Variants in RNF111 observed in about 807,000 individuals in gnomAD.
RNF111 encodes ring finger protein 111.
Under a neutral mutation model 95.1 loss-of-function variants are expected in RNF111, and 17 were observed. The observed-to-expected ratio is 0.18, with a 90% CI of 0.12 to 0.27. The LOEUF (loss-of-function observed/expected upper bound fraction) is 0.27. RNF111 is among the 10% of genes least tolerant of loss of function. RNF111 has a pLI of 1.00. For missense variants in RNF111, 1,189 were observed against 1,210.4 expected, an observed-to-expected ratio of 0.98 and a Z score of 0.26; for synonymous variants, 440 against 414.8, an observed-to-expected ratio of 1.06 and a Z score of -0.74.
In RNF111 at chr15:59,094,940, T is replaced by G. The variant is rs1466832774; in HGVS notation, c.*40T>G. On this transcript the variant is annotated 3_prime_UTR_variant, in exon 14 of 14. Transcript: ENST00000348370. ...ACTCTTGCCCTCCCTCTCATTCCCA[T>G]CCTTCCTGGTACTGCAGTCAACCAA... is the stretch of plus-strand genomic sequence containing the variant. The G allele has an allele frequency of 8.5e-7, 1 of 1,177,966 alleles. No individual in the cohort carries two copies. The highest frequency in any genetic ancestry group is 1.3e-6 in the Non-Finnish European group (1 of 782,666). 73.0% of individuals were successfully genotyped at this position (1,177,966 alleles called of 1,614,324 possible). A position where few individuals can be genotyped will look rare whatever the true frequency, so the allele number is the denominator to read the frequency against.
At chr15:59,065,957 G>C (rs1446522331) in intron 5 of RNF111, among the ~76,000 whole-genome samples, 1 of 152,148 alleles carries the variant, frequency 6.6e-6, no homozygotes, top group Admixed American at 6.5e-5. Flanking sequence ...GTATATATTT[G>C]TGTTGGTGGA....
chr15:59,063,743 C>CAGAT (rs2042537023), intron 5 of RNF111, among the ~76,000 whole-genome samples: 1 of 152,126 alleles, frequency 6.6e-6, no homozygotes, highest in Non-Finnish European at 1.5e-5. Flanking sequence ...TGTTTCTGAA[C>CAGAT]AGATACATGT....
At chr15:59,063,387 C>T (rs1442262917) in intron 5 of RNF111, among the ~76,000 whole-genome samples, 4 of 152,126 alleles carry the variant, frequency 2.6e-5, no homozygotes, top group Non-Finnish European at 5.9e-5. Context: ...TAATTCATGC[C>T]TGCCTCTCGA....
intron 10 of RNF111, among the ~76,000 whole-genome samples, chr15:59,086,085 G>A (rs1491002033): frequency 6.6e-6 from 1 of 151,950 alleles, no homozygotes; most frequent in African/African-American, 2.4e-5. Context: ...GCCGTAAGTG[G>A]TAATAGATCC....
chr15:59,043,602 A>C (rs2041571049), intron 2 of RNF111, among the ~76,000 whole-genome samples: 1 of 152,178 alleles, frequency 6.6e-6, no homozygotes, highest in African/African-American at 2.4e-5. Flanking sequence ...GGTGTTTTGA[A>C]TGGTTTCCGG....
intron 5 of RNF111, among the ~76,000 whole-genome samples, chr15:59,063,139 TA>T (rs2042511957): frequency 6.6e-6 from 1 of 152,266 alleles, no homozygotes; most frequent in African/African-American, 2.4e-5. Flanking sequence ...GGCGCTTAGC[TA>T]CATGATTGCA....
intron 1 of RNF111, among the ~76,000 whole-genome samples, chr15:58,991,129 TA>T (rs560831323): frequency 1.6e-4 from 23 of 148,136 alleles, no homozygotes; most frequent in Admixed American, 5.4e-4. Flanking sequence ...CCGTCTGTAC[TA>T]AAAAAAAAAT....
At position 59,055,811 on chromosome 15, in the gene RNF111, A is replaced by G; in HGVS notation, c.1137A>G (p.Ala379=). The G allele has an allele frequency of 6.2e-7, 1 of 1,613,886 alleles. No individual in the cohort carries two copies. Among genetic ancestry groups the G allele is most frequent in the Non-Finnish European group, 8.5e-7 (1 of 1,179,900 alleles). ...STVIQPLRQN[A]AEVVDLTVDE... ...TTATACAGCCCTTGAGGCAGAATGC[A>G]GCAGAAGTTGTGGACCTTACCGTTG... Residue 379 remains alanine, a synonymous_variant, in exon 4 of 14, where the codon GCA becomes GCG. Transcript: ENST00000348370.
intron 1 of RNF111, among the ~76,000 whole-genome samples, chr15:59,009,870 C>T (rs1157160241): frequency 6.6e-6 from 1 of 152,100 alleles, no homozygotes; most frequent in Non-Finnish European, 1.5e-5. Flanking sequence ...GCGGGAGGAT[C>T]ACTTGAGCCC....
At chr15:59,056,345 T>A (rs1300312404) in intron 4 of RNF111, among the ~76,000 whole-genome samples, 1 of 152,164 alleles carries the variant, frequency 6.6e-6, no homozygotes, top group Non-Finnish European at 1.5e-5. Context: ...CCCAAGTAAC[T>A]GAGGAAACAA....
intron 1 of RNF111, among the ~76,000 whole-genome samples, chr15:59,003,170 C>T (rs1365322323): frequency 6.6e-6 from 1 of 152,198 alleles, no homozygotes; most frequent in Non-Finnish European, 1.5e-5. Flanking sequence ...GGCTGGAGTG[C>T]AGTGGCTCAA....
chr15:59,013,027 C>A (rs2039900951), intron 1 of RNF111, among the ~76,000 whole-genome samples: 1 of 152,172 alleles, frequency 6.6e-6, no homozygotes, highest in Admixed American at 6.5e-5. Context: ...GCGTGAGCCA[C>A]CGCGACCGGC....
chr15:59,013,257 G>A (rs529454442), intron 1 of RNF111, among the ~76,000 whole-genome samples: 4 of 152,040 alleles, frequency 2.6e-5, no homozygotes, highest in Non-Finnish European at 5.9e-5. Context: ...CCCATATATC[G>A]CTCACTCAGT....
chr15:59,075,590 G>A (rs1881356147), intron 6 of RNF111, among the ~76,000 whole-genome samples: 1 of 152,186 alleles, frequency 6.6e-6, no homozygotes, highest in South Asian at 2.1e-4. Flanking sequence ...TAGTCACAAT[G>A]TTGGGATAAA....
At chr15:59,057,555 G>A (rs1224822642) in intron 4 of RNF111, among the ~76,000 whole-genome samples, 26 of 152,232 alleles carry the variant, frequency 1.7e-4, no homozygotes, top group African/African-American at 6.3e-4. Flanking sequence ...TCAATTTTAA[G>A]CAACCATTTT....
chr15:59,031,231 T>G lies in RNF111; in HGVS notation c.409T>G (p.Cys137Gly), dbSNP rs2040888795. 6.2e-7 allele frequency: 1 copy of G among 1,614,090 alleles called. No individual in the cohort carries two copies. Among genetic ancestry groups the G allele is most frequent in the Admixed American group, 1.7e-5 (1 of 60,010 alleles). ...DEDNDSSFSDCLSSPSSSLHF... is the reference protein window; with the variant it reads ...DEDNDSSFSDGLSSPSSSLHF... The stretch of plus-strand genomic sequence containing the variant: ...AGATAATGATTCCTCTTTTAGTGAT[T>G]GTCTTTCTTCTCCTTCATCTAGTCT... The change falls in exon 2 of 14, where the codon TGT becomes GGT. Residue 137 changes from cysteine (C) to glycine (G), a missense_variant. Cys to Gly is a radical substitution (Grantham distance 159, BLOSUM62 -3). Coordinates refer to ENST00000348370, the MANE Select transcript of RNF111 (RefSeq NM_017610.8).
intron 2 of RNF111, among the ~76,000 whole-genome samples, chr15:59,038,316 C>G (rs1163931596): frequency 6.6e-6 from 1 of 151,996 alleles, no homozygotes; most frequent in African/African-American, 2.4e-5. Flanking sequence ...TATCTAATAG[C>G]TGTATATATA....
intron 1 of RNF111, among the ~76,000 whole-genome samples, chr15:59,000,163 C>CCT (rs2039259893): frequency 7.6e-6 from 1 of 132,094 alleles, no homozygotes; most frequent in Admixed American, 7.9e-5. Context: ...TTTTTTTTCC[C>CCT]TTTTTTTTTT....
intron 4 of RNF111, among the ~76,000 whole-genome samples, chr15:59,056,629 C>G (rs977562545): frequency 2.4e-4 from 36 of 152,118 alleles, no homozygotes; most frequent in African/African-American, 8.5e-4. Context: ...ATACAATCAG[C>G]TCTTCTATGG....
Sources: allele counts gnomAD v4.1 joint callset (sites outside exome capture counted in the v4.1 genomes callset), GRCh38; gene constraint gnomAD v4.1.1; transcripts MANE v1.5; gene names NCBI Gene and HGNC (gene_info 2026-07-23, HGNC 2026-07-21).